CUBN: variants seen among roughly 807,000 people sequenced by gnomAD.
CUBN encodes cubilin.
In CUBN, 282 loss-of-function variants were observed where a neutral mutation model predicts 405.3. That is an observed-to-expected ratio of 0.70 (90% CI 0.63 to 0.77). CUBN has a LOEUF of 0.77. Ranked by LOEUF, CUBN falls within the 30% of genes least tolerant of loss-of-function variation. CUBN has a pLI of 0.00. For synonymous variants in CUBN, 1,684 were observed against 1,617.0 expected (o/e 1.04, Z -0.99); for missense variants, 4,514 against 4,475.2 (o/e 1.01, Z -0.25).
chr10:17,013,163 T>C (rs1429629696), intron 28 of CUBN, among the ~76,000 whole-genome samples: 13 of 152,216 alleles, frequency 8.5e-5, no homozygotes, highest in Non-Finnish European at 1.9e-4. Context: ...TTACTACTTC[T>C]ATCCCTTTCT....
chr10:16,851,922 CTCCCTCTATCTTTCCCTCCCTCCATCTT>C (rs1389964185), intron 59 of CUBN, among the ~76,000 whole-genome samples: 1 of 133,220 alleles, frequency 7.5e-6, no homozygotes. Context: ...CTTTCCCTCC[CTCCCTCTATCTTTCCCTCCCTCCATCTT>C]TCCCTCCCTC....
chr10:17,082,052 G>A (rs1320447140), intron 17 of CUBN, among the ~76,000 whole-genome samples: 2 of 152,098 alleles, frequency 1.3e-5, no homozygotes, highest in African/African-American at 2.4e-5. Context: ...TACCTCGCTG[G>A]CCAACTGTGA....
At chr10:16,863,748 G>A (rs1449974715) in intron 59 of CUBN, among the ~76,000 whole-genome samples, 1 of 151,938 alleles carries the variant, frequency 6.6e-6, no homozygotes, top group Non-Finnish European at 1.5e-5. Flanking sequence ...CCATCTTTGT[G>A]GCCCTAGACT....
intron 59 of CUBN, 118 bp downstream of exon 59, chr10:16,869,518 T>G: frequency 1.2e-6 from 1 of 802,566 alleles, no homozygotes; most frequent in Non-Finnish European, 2.1e-6. Flanking sequence ...GGCATATTCT[T>G]CTAAGCTTCA....
intron 27 of CUBN, among the ~76,000 whole-genome samples, chr10:17,021,089 T>C (rs1834487609): frequency 6.6e-6 from 1 of 152,148 alleles, no homozygotes; most frequent in Non-Finnish European, 1.5e-5. Context: ...TCTTAACTTG[T>C]GTTATTTTAA....
intron 59 of CUBN, among the ~76,000 whole-genome samples, chr10:16,864,676 AG>A (rs1840117582): frequency 2.0e-5 from 1 of 51,252 alleles, no homozygotes; most frequent in Non-Finnish European, 4.0e-5. Context: ...TTTTTTTTTT[AG>A]ATGGATTTTT....
intron 28 of CUBN, among the ~76,000 whole-genome samples, chr10:17,017,132 A>C (rs1834347724): frequency 6.6e-6 from 1 of 152,060 alleles, no homozygotes; most frequent in Non-Finnish European, 1.5e-5. Flanking sequence ...TCCCATCTGA[A>C]AGACAAAACT....
chr10:16,927,283 T>C (rs1842219469), intron 41 of CUBN, among the ~76,000 whole-genome samples: 2 of 152,122 alleles, frequency 1.3e-5, no homozygotes, highest in South Asian at 4.2e-4. Context: ...AATTCTCCAG[T>C]TGTCAGGGAC....
chr10:17,116,126 A>C (rs976542265), intron 6 of CUBN, among the ~76,000 whole-genome samples: 1 of 152,226 alleles, frequency 6.6e-6, no homozygotes, highest in African/African-American at 2.4e-5. Context: ...TATCCATAAA[A>C]AGCGTAGTTA....
intron 28 of CUBN, among the ~76,000 whole-genome samples, chr10:17,016,569 A>AAAACTTCCC (rs1399310978): frequency 6.6e-6 from 1 of 152,190 alleles, no homozygotes; most frequent in African/African-American, 2.4e-5. Flanking sequence ...GGATCATCTG[A>AAAACTTCCC]AAACTTCCCC....
chr10:16,870,845 G>A (rs1256478156), intron 58 of CUBN, among the ~76,000 whole-genome samples: 2 of 152,144 alleles, frequency 1.3e-5, no homozygotes, highest in Non-Finnish European at 2.9e-5. Flanking sequence ...GTCTTATACA[G>A]TGTTTAATTC....
Position 16,933,142 on chromosome 10 carries a change from G to A in CUBN, c.6069C>T (p.Ser2023=). Residue 2023 remains serine (S), a synonymous_variant, in exon 40 of 67, where the codon TCC becomes TCT. Transcript: ENST00000377833. ...PDSTVELNIL[S]LDIESHRTCA... ...ACGTTCGGTGAGATTCAATGTCCAGGGAAAGAATGTTGAGTTCCACGGTAG... is the reference window on the plus strand; with the variant it reads ...ACGTTCGGTGAGATTCAATGTCCAGAGAAAGAATGTTGAGTTCCACGGTAG... 1.2e-6 allele frequency: 2 copies of A among 1,614,026 alleles called. No individual in the cohort carries two copies. The highest frequency in any genetic ancestry group is 2.2e-5 in the South Asian group (2 of 91,076).
chr10:16,940,301 G>T, intron 36 of CUBN, 64 bp from the exon 37 acceptor site: 1 of 1,391,870 alleles, frequency 7.2e-7, no homozygotes, highest in Admixed American at 1.7e-5. Flanking sequence ...GGATTCTCCC[G>T]GATCACATGC....
intron 28 of CUBN, among the ~76,000 whole-genome samples, chr10:17,016,881 C>G (rs1193260888): frequency 1.3e-5 from 2 of 152,124 alleles, no homozygotes; most frequent in Non-Finnish European, 2.9e-5. Flanking sequence ...GAAAAGAAAG[C>G]TTGGACATAA....
chr10:17,065,773 T>C (rs1307538065), intron 21 of CUBN, 135 bp from the exon 22 acceptor site: 3 of 1,050,586 alleles, frequency 2.9e-6, no homozygotes, highest in East Asian at 5.1e-5. Context: ...AACACAAATA[T>C]ATTTCAGGCA....
intron 22 of CUBN, among the ~76,000 whole-genome samples, chr10:17,054,914 A>G (rs534254046): frequency 1.0e-3 from 156 of 152,250 alleles, no homozygotes; most frequent in African/African-American, 3.7e-3. Flanking sequence ...AAACTCAGAA[A>G]ATAGAGGAGA....
chr10:16,955,912 A>C (rs1843050254), intron 31 of CUBN, among the ~76,000 whole-genome samples: 1 of 152,216 alleles, frequency 6.6e-6, no homozygotes, highest in Non-Finnish European at 1.5e-5. Context: ...AGCAGGACGC[A>C]TGCATCAACC....
chr10:16,912,831 C>T (rs1406729739), intron 48 of CUBN, among the ~76,000 whole-genome samples: 1 of 152,146 alleles, frequency 6.6e-6, no homozygotes, highest in African/African-American at 2.4e-5. Flanking sequence ...TTGGGATTTT[C>T]CTCTGAGTTA....
chr10:16,927,187 T>A (rs1267599069), intron 41 of CUBN, among the ~76,000 whole-genome samples: 2 of 152,216 alleles, frequency 1.3e-5, no homozygotes, highest in East Asian at 3.9e-4. Context: ...CATGTATGTA[T>A]GTATAATGAG....
Sources: gnomAD v4.1 joint callset for allele counts (sites outside exome capture counted in the v4.1 genomes callset) on GRCh38, gnomAD v4.1.1 for gene constraint, MANE v1.5 for transcripts, NCBI Gene and HGNC (gene_info 2026-07-23, HGNC 2026-07-21) for gene names.